Variants in CDC14A observed in about 807,000 individuals in gnomAD.
CDC14A encodes the protein dual specificity protein phosphatase CDC14A.
CDC14A carries 53 observed loss-of-function variants against 74.4 expected under a neutral mutation model. The observed-to-expected ratio is 0.71, with a 90% CI of 0.57 to 0.89. The LOEUF is 0.89. Among genes scored for constraint, CDC14A ranks in the 40% least tolerant of loss-of-function variants. The pLI, the probability that CDC14A is intolerant of heterozygous loss-of-function variation, is 0.00. For missense variants in CDC14A, 646 were observed against 713.7 expected (o/e 0.91, Z 1.08); for synonymous variants, 247 against 258.4 (o/e 0.96, Z 0.43).
intron 11 of CDC14A, among the ~76,000 whole-genome samples, chr1:100,487,665 T>A (rs1670182197): frequency 6.6e-6 from 1 of 152,208 alleles, no homozygotes; most frequent in African/African-American, 2.4e-5. Flanking sequence ...ATGTTGCAGG[T>A]CATAGTGATG....
chr1:100,496,480 T>C (rs1389703948), intron 13 of CDC14A, among the ~76,000 whole-genome samples: 1 of 152,186 alleles, frequency 6.6e-6, no homozygotes, highest in East Asian at 1.9e-4. Flanking sequence ...TCTACCTTCC[T>C]TTTCAAGAGG....
intron 15 of CDC14A, among the ~76,000 whole-genome samples, chr1:100,501,614 A>C (rs138186351): frequency 4.6e-5 from 7 of 152,344 alleles, no homozygotes; most frequent in African/African-American, 1.7e-4. Context: ...TGTATATACT[A>C]TACTGTACTT....
rs28364887 is a variant in CDC14A, at chr1:100,463,114, T to G, written c.838+233T>G. Among the ~76,000 whole-genome samples the G allele has an allele frequency of 8.1e-4, 124 of 152,262 alleles. 1 individual carries two copies. In the Middle Eastern group the frequency reaches 0.01, roughly 13 times the overall value. On this transcript the variant is annotated intron_variant, in intron 9 of 15. Transcript: ENST00000336454. Reference sequence around the variant, plus strand: ...CTTGATATGCCAGTTTTTCAGACCTTACCTTTCCAGGCCCACGTGCCACAA... The same window carrying G: ...CTTGATATGCCAGTTTTTCAGACCTGACCTTTCCAGGCCCACGTGCCACAA...
chr1:100,353,077 A>G (rs1311381752), intron 1 of CDC14A, 74 bp downstream of exon 1: 5 of 1,509,746 alleles, frequency 3.3e-6, no homozygotes, highest in Non-Finnish European at 3.7e-6. Flanking sequence ...CACTGTCCCC[A>G]CCTTCTCCTG....
At chr1:100,472,360 A>G (rs539532697) in intron 10 of CDC14A, among the ~76,000 whole-genome samples, 2 of 152,274 alleles carry the variant, frequency 1.3e-5, no homozygotes, top group East Asian at 3.9e-4. Flanking sequence ...TGTTCTCATC[A>G]GCAATGGTTT....
At chr1:100,464,069 G>A (rs1667571562) in intron 9 of CDC14A, among the ~76,000 whole-genome samples, 4 of 152,196 alleles carry the variant, frequency 2.6e-5, no homozygotes, top group Non-Finnish European at 4.4e-5. Flanking sequence ...TTAAAATGCC[G>A]TTTTGTAGGC....
intron 2 of CDC14A, among the ~76,000 whole-genome samples, chr1:100,369,226 A>T (rs1024928755): frequency 1.1e-4 from 17 of 152,082 alleles, no homozygotes; most frequent in African/African-American, 4.1e-4. Context: ...CTCCTGCCTC[A>T]GCCTCCAAGG....
In CDC14A at chr1:100,354,232, T is replaced by G. The variant is rs140768685; in HGVS notation, c.140+380T>G. Among the ~76,000 whole-genome samples, 304 of 152,284 alleles carry G rather than the reference T, an allele frequency of 2.0e-3. 1 individual carries two copies. The highest frequency in any genetic ancestry group is 7.1e-3 in the African/African-American group (295 of 41,556). The stretch of plus-strand genomic sequence containing the variant: ...CATAGGGTACAGGGCAGTGCATGTA[T>G]TACAGGTGCTTGAGCTTTATAGTTT... On this transcript the variant is annotated intron_variant, in intron 2 of 15. Transcript: ENST00000336454.
chr1:100,394,727 T>G (rs971385424), intron 4 of CDC14A, among the ~76,000 whole-genome samples: 4 of 152,214 alleles, frequency 2.6e-5, no homozygotes, highest in African/African-American at 9.7e-5. Flanking sequence ...CAATTGATTT[T>G]TCTAATTTTG....
At chr1:100,449,642 T>C (rs545707115) in intron 7 of CDC14A, among the ~76,000 whole-genome samples, 1 of 152,204 alleles carries the variant, frequency 6.6e-6, no homozygotes, top group South Asian at 2.1e-4. Flanking sequence ...CATGTAGCCT[T>C]GTGTGGTACT....
intron 5 of CDC14A, among the ~76,000 whole-genome samples, chr1:100,430,620 G>A (rs1663541252): frequency 6.6e-6 from 1 of 152,194 alleles, no homozygotes; most frequent in African/African-American, 2.4e-5. Context: ...GCATCAGGCT[G>A]CCTTCTTTTT....
In CDC14A at chr1:100,457,573, C is replaced by T. The variant is rs12068257; in HGVS notation, c.607+2081C>T. Among the ~76,000 whole-genome samples, 641 of 152,046 alleles carry T rather than the reference C, an allele frequency of 4.2e-3. 6 individuals are homozygous for T. The highest frequency in any genetic ancestry group is 0.014 in the African/African-American group (590 of 41,494). On this transcript the variant is annotated intron_variant, in intron 8 of 15. Coordinates refer to ENST00000336454, the MANE Select transcript of CDC14A (RefSeq NM_003672.4). ...TCCTGTCCTCAAATGATCTTCCTGC[C>T]TCAGCCTCCCAAGTAGCTGGGACTA... is the stretch of plus-strand genomic sequence containing the variant.
chr1:100,370,822 GT>G (rs986145901), intron 2 of CDC14A, among the ~76,000 whole-genome samples: 1 of 151,810 alleles, frequency 6.6e-6, no homozygotes. Flanking sequence ...TTTTAGAATA[GT>G]TTTTTTTCTA....
At chr1:100,509,915 C>A (rs1010991410) in intron 15 of CDC14A, among the ~76,000 whole-genome samples, 1 of 152,158 alleles carries the variant, frequency 6.6e-6, no homozygotes, top group African/African-American at 2.4e-5. Context: ...TGAAAGTGAG[C>A]AAAATAAGGT....
chr1:100,425,534 A>G (rs995538633), intron 5 of CDC14A, among the ~76,000 whole-genome samples: 2 of 152,150 alleles, frequency 1.3e-5, no homozygotes, highest in Non-Finnish European at 2.9e-5. Flanking sequence ...TTCTGAGATC[A>G]CAGGAGGTAG....
At chr1:100,354,903 G>T (rs991317446) in intron 2 of CDC14A, among the ~76,000 whole-genome samples, 2 of 152,228 alleles carry the variant, frequency 1.3e-5, no homozygotes, top group African/African-American at 4.8e-5. Context: ...ACCTTCAAGA[G>T]CATATCTTTT....
At chr1:100,504,715 CT>C (rs1158642915) in intron 15 of CDC14A, 1 of 851,734 alleles carries the variant, frequency 1.2e-6, no homozygotes, top group Non-Finnish European at 1.9e-6. Flanking sequence ...TACTGACTTT[CT>C]TTGTTGAGCT....
chr1:100,468,974 G>A (rs955038034), intron 10 of CDC14A, among the ~76,000 whole-genome samples: 3 of 151,752 alleles, frequency 2.0e-5, no homozygotes, highest in Admixed American at 6.6e-5. Flanking sequence ...TGCCCAGGCT[G>A]GTTTTGAACT....
At chr1:100,513,104 T>C (rs1317845305) in intron 15 of CDC14A, among the ~76,000 whole-genome samples, 2 of 152,258 alleles carry the variant, frequency 1.3e-5, no homozygotes, top group East Asian at 3.9e-4. Context: ...GTTATGGAAA[T>C]AAGTATCAAT....
Sources: gnomAD v4.1 joint callset for allele counts (sites outside exome capture counted in the v4.1 genomes callset) on GRCh38, gnomAD v4.1.1 for gene constraint, MANE v1.5 for transcripts, NCBI Gene and HGNC (gene_info 2026-07-23, HGNC 2026-07-21) for gene names.